The following NHSL2 variants were observed in gnomAD, a reference collection of about 807,000 sequenced individuals.
The protein encoded by NHSL2 is NHS like 2.
A neutral mutation model predicts 53.4 loss-of-function variants in NHSL2; 27 were observed. The observed-to-expected ratio is 0.51, with a 90% CI of 0.37 to 0.70. The LOEUF (loss-of-function observed/expected upper bound fraction) is 0.70, where lower values mean the gene tolerates loss of function less well. NHSL2 is among the 30% of genes least tolerant of loss of function. The pLI, the probability that NHSL2 is intolerant of heterozygous loss-of-function variation, is 0.00. For missense variants in NHSL2, 892 were observed against 980.1 expected (o/e 0.91, Z 1.20); for synonymous variants, 408 against 404.1 (o/e 1.01, Z -0.12).
At chrX:72,062,314 A>G (rs1363652775) in intron 1 of NHSL2, among the ~76,000 whole-genome samples, 1 of 112,520 alleles carries the variant, frequency 8.9e-6, no homozygotes, top group African/African-American at 3.2e-5. Flanking sequence ...TCTTTATCAT[A>G]TCCTAATTTC....
In NHSL2 at chrX:72,139,465, T is replaced by A. The variant is rs1230538073; in HGVS notation, c.1917T>A (p.Tyr639Ter). 3.3e-6 allele frequency: 4 copies of A among 1,210,222 alleles called. No homozygotes were observed. Among genetic ancestry groups the A allele is most frequent in the Non-Finnish European group, 4.5e-6 (4 of 894,340 alleles). ...GTACACAATTCTCCCACCACTGGTATCTTACTGACTGGAAGTCTGGTGACA... is the reference window on the plus strand; with the variant it reads ...GTACACAATTCTCCCACCACTGGTAACTTACTGACTGGAAGTCTGGTGACA... Reference protein sequence around the residue: ...PESTQFSHHWYLTDWKSGDTY... With the variant: ...PESTQFSHHW The change falls in exon 6 of 8, where the codon TAT (tyrosine) becomes TAA (stop). Residue 639 changes from tyrosine (Y) to a stop codon, truncating the protein, a stop_gained. Coordinates refer to ENST00000633930, the MANE Select transcript of NHSL2 (RefSeq NM_001013627.3). LOFTEE classifies it high-confidence loss of function.
At chrX:72,010,537 T>G (rs1295600539) in intron 1 of NHSL2, among the ~76,000 whole-genome samples, 1 of 112,457 alleles carries the variant, frequency 8.9e-6, no homozygotes, top group African/African-American at 3.2e-5. Context: ...CCCACTTTCT[T>G]CCAAATCTCT....
intron 1 of NHSL2, among the ~76,000 whole-genome samples, chrX:71,916,475 A>G (rs1192384208): frequency 9.0e-6 from 1 of 111,364 alleles, no homozygotes; most frequent in Non-Finnish European, 1.9e-5. Context: ...CTGCGTCTGG[A>G]CCCTGTCTGA....
chrX:72,134,786 G>T, intron 4 of NHSL2, 82 bp downstream of exon 4: 1 of 713,213 alleles, frequency 1.4e-6, no homozygotes, highest in Non-Finnish European at 2.1e-6. Flanking sequence ...GGTATTGGGG[G>T]AGGGAAGTGA....
At position 72,130,366 on chromosome X, in the gene NHSL2, TCTTC is replaced by T. The variant is rs751171435; in HGVS notation, c.281-1708_281-1705del. ...TTCCTCTTCCTCCTCCTCCTCCTTC[TCTTC>T]CTTCTTCTTCATTTCTTCCTCCTTC... On this transcript the variant is annotated intron_variant, in intron 1 of 7. Coordinates refer to ENST00000633930, the MANE Select transcript of NHSL2 (RefSeq NM_001013627.3). 1.6e-5 allele frequency: 19 copies of T among 1,161,599 alleles called. No individual in the cohort carries two copies. The Admixed American group carries it at 3.6e-4, about 22-fold the overall frequency.
chrX:71,937,966 A>T (rs1487797562), intron 1 of NHSL2, among the ~76,000 whole-genome samples: 2 of 112,121 alleles, frequency 1.8e-5, no homozygotes, highest in Non-Finnish European at 3.8e-5. Flanking sequence ...ATAATGGCAT[A>T]GAAATATTCC....
intron 1 of NHSL2, among the ~76,000 whole-genome samples, chrX:71,937,220 C>A (rs1427565711): frequency 9.0e-6 from 1 of 111,203 alleles, no homozygotes; most frequent in African/African-American, 3.3e-5. Context: ...TTGTGGAGAA[C>A]AAAAAGGTGG....
At chrX:71,954,710 T>C (rs772492562) in intron 1 of NHSL2, among the ~76,000 whole-genome samples, 3 of 111,770 alleles carry the variant, frequency 2.7e-5, no homozygotes, top group Admixed American at 9.5e-5. Context: ...AGCAAGCTGC[T>C]CAGAAGGAAA....
chrX:72,088,204 A>G (rs2041867134), intron 1 of NHSL2, among the ~76,000 whole-genome samples: 1 of 112,273 alleles, frequency 8.9e-6, no homozygotes, highest in South Asian at 3.7e-4. Flanking sequence ...GCACTCCAGC[A>G]TGGGCAACAA....
intron 1 of NHSL2, among the ~76,000 whole-genome samples, chrX:72,105,536 A>C (rs140187959): frequency 0.078 from 8,670 of 111,224 alleles, 340 homozygotes; most frequent in African/African-American, 0.13. Flanking sequence ...GTTGGAGGGA[A>C]CCGTGCCGTT....
intron 1 of NHSL2, among the ~76,000 whole-genome samples, chrX:72,108,834 C>G (rs1003362588): frequency 7.2e-5 from 8 of 111,588 alleles, no homozygotes; most frequent in Non-Finnish European, 1.5e-4. Flanking sequence ...CCCTTCCCCG[C>G]CCCAGACCAT....
chrX:71,980,279 T>A (rs1200298438), intron 1 of NHSL2, among the ~76,000 whole-genome samples: 1 of 111,728 alleles, frequency 9.0e-6, no homozygotes, highest in Middle Eastern at 4.2e-3. Flanking sequence ...TCTAAAGTAG[T>A]TTTTTCCAAT....
intron 1 of NHSL2, among the ~76,000 whole-genome samples, chrX:71,912,010 TC>T (rs2041606246): frequency 8.9e-6 from 1 of 111,830 alleles, no homozygotes; most frequent in Non-Finnish European, 1.9e-5. Flanking sequence ...GGGGAGAATG[TC>T]CGGGGCTTTG....
chrX:72,081,596 C>G (rs2041792689), intron 1 of NHSL2, among the ~76,000 whole-genome samples: 1 of 111,688 alleles, frequency 9.0e-6, no homozygotes. Context: ...CTCCCTGCTT[C>G]CACTCTCCAG....
At chrX:71,947,849 A>G (rs1410542501) in intron 1 of NHSL2, among the ~76,000 whole-genome samples, 15 of 111,635 alleles carry the variant, frequency 1.3e-4, no homozygotes. Context: ...AGCTATGAGG[A>G]TGCAAAGGCA....
chrX:72,000,009 T>C (rs1333800529), intron 1 of NHSL2, among the ~76,000 whole-genome samples: 1 of 112,412 alleles, frequency 8.9e-6, no homozygotes, highest in Non-Finnish European at 1.9e-5. Flanking sequence ...AAGAGTATTA[T>C]ATATTTCAGT....
rs2042293307 is a variant in NHSL2 at position 72,044,436 on chromosome X, T to C, written c.281-87643T>C. 9.0e-6 allele frequency: 4 copies of C among 445,168 alleles called. No homozygotes were observed. The South Asian group carries it at 1.0e-4, about 11-fold the overall frequency. The allele number at this position is 445,168 out of a possible 1,213,427, so 36.7% of individuals were successfully genotyped here. A position where few individuals can be genotyped will look rare whatever the true frequency, so the allele number is the denominator to read the frequency against. ...TCAGCATGAGCATCAACCAGTATCCTTGTCAGGTGGCCCCCATTCCTCTAC... is the reference window on the plus strand; with the variant it reads ...TCAGCATGAGCATCAACCAGTATCCCTGTCAGGTGGCCCCCATTCCTCTAC... On this transcript the variant is annotated intron_variant, in intron 1 of 7. Coordinates refer to ENST00000633930, the MANE Select transcript of NHSL2 (RefSeq NM_001013627.3).
rs1489861108 is a variant in NHSL2 at position 72,151,448 on chromosome X, A to T, written c.*7874A>T. The T allele has an allele frequency of 8.9e-6, 1 of 112,070 alleles. No homozygotes were observed. The highest frequency in any genetic ancestry group is 2.8e-4 in the East Asian group (1 of 3,572). 9.2% of individuals were successfully genotyped at this position (112,070 alleles called of 1,213,427 possible). A position where few individuals can be genotyped will look rare whatever the true frequency, so the allele number is the denominator to read the frequency against. ...TGATAACTGAGTTGTGCAGTAGCTG[A>T]TGTGGTTTATTGCCTTCCCATCTAC... On this transcript the variant is annotated 3_prime_UTR_variant, in exon 8 of 8. Transcript: ENST00000633930.
intron 1 of NHSL2, among the ~76,000 whole-genome samples, chrX:71,925,519 T>C (rs2041680555): frequency 1.8e-5 from 2 of 110,023 alleles, no homozygotes; most frequent in Non-Finnish European, 3.8e-5. Context: ...CTCCGCCTCC[T>C]GGGTTATGTT....
Sources: gnomAD v4.1 joint callset for allele counts (sites outside exome capture counted in the v4.1 genomes callset) on GRCh38, gnomAD v4.1.1 for gene constraint, MANE v1.5 for transcripts, NCBI Gene and HGNC (gene_info 2026-07-23, HGNC 2026-07-21) for gene names.